The following APBB2 variants were observed in gnomAD, a reference collection of about 807,000 sequenced individuals.
APBB2 encodes Fe65-like 1.
In APBB2, 38 loss-of-function variants were observed where a neutral mutation model predicts 82.5. The ratio of observed to expected loss-of-function variants is 0.46; its 90% confidence interval spans 0.36 to 0.60. The LOEUF (loss-of-function observed/expected upper bound fraction) is 0.60. APBB2 is among the 20% of genes least tolerant of loss of function. The probability of loss-of-function intolerance (pLI) is 0.00; values close to 1 mark genes in which losing one functional copy is unlikely to be tolerated. For synonymous variants in APBB2, 341 were observed against 368.2 expected (o/e 0.93, Z 0.85); for missense variants, 772 against 972.3 (o/e 0.79, Z 2.74).
intron 10 of APBB2, among the ~76,000 whole-genome samples, chr4:40,893,897 C>T (rs530091303): frequency 6.6e-6 from 1 of 152,136 alleles, no homozygotes; most frequent in African/African-American, 2.4e-5. Context: ...TCGCTTGAAC[C>T]CAGGAGGCGG....
intron 10 of APBB2, among the ~76,000 whole-genome samples, chr4:40,907,874 G>T (rs1777475049): frequency 6.6e-6 from 1 of 151,162 alleles, no homozygotes; most frequent in Admixed American, 6.6e-5. Flanking sequence ...TCACCATGTT[G>T]CCCAGGCTGG....
At chr4:41,162,199 T>A (rs1400806201) in intron 1 of APBB2, among the ~76,000 whole-genome samples, 1 of 83,556 alleles carries the variant, frequency 1.2e-5, no homozygotes, top group Non-Finnish European at 2.2e-5. Context: ...TTTCCCCGTC[T>A]TTTTTTTTTT....
chr4:40,851,719 T>C (rs1303456350), intron 12 of APBB2, among the ~76,000 whole-genome samples: 1 of 102,804 alleles, frequency 9.7e-6, no homozygotes, highest in Non-Finnish European at 1.8e-5. Flanking sequence ...TTTCTATGCA[T>C]ATATATATAT....
At chr4:40,907,791 C>T (rs1034554368) in intron 10 of APBB2, among the ~76,000 whole-genome samples, 1 of 149,650 alleles carries the variant, frequency 6.7e-6, no homozygotes, top group Non-Finnish European at 1.5e-5. Flanking sequence ...CCTGAGTAGA[C>T]GGGACTACAA....
In APBB2 at chr4:40,934,627, A is replaced by T. The variant is rs1473681897; in HGVS notation, c.1180T>A (p.Ser394Thr). 1 of 1,614,068 alleles carries T rather than the reference A, an allele frequency of 6.2e-7. No individual in the cohort carries two copies. Among genetic ancestry groups the T allele is most frequent in the Non-Finnish European group, 8.5e-7 (1 of 1,179,862 alleles). ...CTAATGTCCTACCTGAGTTTCAAAGATGCATAGCGTAGGGTTGCTCCTTCA... is the reference window on the plus strand; with the variant it reads ...CTAATGTCCTACCTGAGTTTCAAAGTTGCATAGCGTAGGGTTGCTCCTTCA... Reference protein sequence around the residue: ...EFEGATLRYASLKLRNAPHPD... With the variant: ...EFEGATLRYATLKLRNAPHPD... The change falls in exon 9 of 18, where the codon TCT (serine) becomes ACT (threonine). Residue 394 changes from serine to threonine, a missense_variant. Physicochemically the swap from Ser to Thr is moderately conservative, Grantham distance 58. Coordinates refer to ENST00000508593, the MANE Select transcript of APBB2 (RefSeq NM_004307.2).
intron 1 of APBB2, among the ~76,000 whole-genome samples, chr4:41,156,393 C>G (rs915004769): frequency 6.6e-6 from 1 of 152,192 alleles, no homozygotes; most frequent in Non-Finnish European, 1.5e-5. Flanking sequence ...ACGAAATTAT[C>G]AGAGTTCCCG....
intron 1 of APBB2, among the ~76,000 whole-genome samples, chr4:41,205,308 C>A (rs1777662377): frequency 6.6e-6 from 1 of 152,164 alleles, no homozygotes; most frequent in Non-Finnish European, 1.5e-5. Context: ...TACCACCTGC[C>A]TCTCAATCCT....
At chr4:41,132,891 A>G (rs1353166932) in intron 2 of APBB2, among the ~76,000 whole-genome samples, 2 of 152,212 alleles carry the variant, frequency 1.3e-5, no homozygotes, top group African/African-American at 2.4e-5. Flanking sequence ...AAGCAAAATG[A>G]TACATAATCA....
chr4:41,011,079 T>C (rs1808217219), intron 6 of APBB2, among the ~76,000 whole-genome samples: 1 of 151,968 alleles, frequency 6.6e-6, no homozygotes, highest in South Asian at 2.1e-4. Context: ...TTAGTATATA[T>C]CTCTAAAACA....
chr4:40,898,172 T>G (rs1023390463), intron 10 of APBB2, among the ~76,000 whole-genome samples: 1 of 152,242 alleles, frequency 6.6e-6, no homozygotes, highest in Non-Finnish European at 1.5e-5. Context: ...CTTTACAGCA[T>G]GTGCGAGGCC....
chr4:41,164,215 G>GAAAC (rs1406990168), intron 1 of APBB2, among the ~76,000 whole-genome samples: 3 of 152,134 alleles, frequency 2.0e-5, no homozygotes, highest in African/African-American at 7.2e-5. Flanking sequence ...ACTTTGGTTT[G>GAAAC]ACCACAACCC....
chr4:40,907,983 T>G (rs898941589), intron 10 of APBB2, among the ~76,000 whole-genome samples: 4 of 139,836 alleles, frequency 2.9e-5, no homozygotes, highest in South Asian at 2.1e-4. Flanking sequence ...GTCTGTGTGG[T>G]GTGTGTGTGT....
At chr4:40,994,436 G>A (rs1436596427) in intron 6 of APBB2, among the ~76,000 whole-genome samples, 5 of 152,136 alleles carry the variant, frequency 3.3e-5, no homozygotes, top group Admixed American at 6.6e-5. Flanking sequence ...TCAGTCAATG[G>A]ATCAAAACCA....
intron 12 of APBB2, among the ~76,000 whole-genome samples, chr4:40,852,607 A>G (rs1366919936): frequency 6.6e-6 from 1 of 151,866 alleles, no homozygotes; most frequent in East Asian, 1.9e-4. Flanking sequence ...ACGTCTGCTC[A>G]TCTACACTGG....
intron 10 of APBB2, among the ~76,000 whole-genome samples, chr4:40,907,345 T>TA (rs748703857): frequency 4.6e-4 from 48 of 104,952 alleles, no homozygotes; most frequent in Middle Eastern, 4.8e-3. Flanking sequence ...ATTTAATATA[T>TA]TACATATATA....
In APBB2 at chr4:41,179,845, C is replaced by A. The variant is rs112635110; in HGVS notation, c.-417+34560G>T. On this transcript the variant is annotated intron_variant, in intron 1 of 17. Coordinates refer to ENST00000508593, the MANE Select transcript of APBB2 (RefSeq NM_004307.2). Reference sequence around the variant, plus strand: ...AAAGAACTACAAAGGGTTAATAACACTAGATTATATATAAATTCAGAAGTA... The same window carrying A: ...AAAGAACTACAAAGGGTTAATAACAATAGATTATATATAAATTCAGAAGTA... 4.3e-3 allele frequency among the ~76,000 whole-genome samples: 649 copies of A among 152,238 alleles called. 2 individuals are homozygous for A. The highest frequency in any genetic ancestry group is 0.014 in the African/African-American group (579 of 41,540).
At chr4:41,105,684 A>G (rs1446640981) in intron 2 of APBB2, among the ~76,000 whole-genome samples, 3 of 152,132 alleles carry the variant, frequency 2.0e-5, no homozygotes, top group Non-Finnish European at 4.4e-5. Context: ...GGAGATTGAG[A>G]CCATCCTGGC....
At chr4:40,845,904 T>G (rs1757404026) in intron 12 of APBB2, among the ~76,000 whole-genome samples, 1 of 150,858 alleles carries the variant, frequency 6.6e-6, no homozygotes, top group Non-Finnish European at 1.5e-5. Context: ...TGCAAAACTT[T>G]ACATCATGAA....
chr4:40,940,239 G>C (rs1406177031), intron 7 of APBB2, among the ~76,000 whole-genome samples: 3 of 152,138 alleles, frequency 2.0e-5, no homozygotes, highest in African/African-American at 4.8e-5. Context: ...GGAGACAATG[G>C]GGTGAGGCCA....
Sources: gnomAD v4.1 joint callset for allele counts (sites outside exome capture counted in the v4.1 genomes callset) on GRCh38, gnomAD v4.1.1 for gene constraint, MANE v1.5 for transcripts, NCBI Gene and HGNC (gene_info 2026-07-23, HGNC 2026-07-21) for gene names.